CHN2: variants seen among roughly 807,000 people sequenced by gnomAD.
The protein encoded by CHN2 is chimerin 2, also known as beta-chimaerin.
CHN2 carries 35 observed loss-of-function variants against 56.3 expected under a neutral mutation model. The observed-to-expected ratio is 0.62, with a 90% CI of 0.47 to 0.82. The LOEUF is 0.82. Ranked by LOEUF, CHN2 falls within the 40% of genes least tolerant of loss-of-function variation. The pLI is 0.00. For missense variants in CHN2, 491 were observed against 580.5 expected, an observed-to-expected ratio of 0.85 and a Z score of 1.58; for synonymous variants, 210 against 212.8, an observed-to-expected ratio of 0.99 and a Z score of 0.12.
chr7:29,425,909 C>A (rs749897352), intron 6 of CHN2, among the ~76,000 whole-genome samples: 12 of 152,062 alleles, frequency 7.9e-5, no homozygotes, highest in Non-Finnish European at 1.5e-4. Flanking sequence ...TCCAGAACTT[C>A]TTTTTAAGAG....
intron 6 of CHN2, among the ~76,000 whole-genome samples, chr7:29,440,684 C>CAAAAAAAAAAAAAA (rs556692737): frequency 2.2e-5 from 1 of 45,650 alleles, no homozygotes; most frequent in African/African-American, 5.2e-5. Context: ...GACTCCGTCT[C>CAAAAAAAAAAAAAA]AAAAAAAAAA....
intron 1 of CHN2, among the ~76,000 whole-genome samples, chr7:29,332,117 A>G (rs757883359): frequency 5.9e-5 from 9 of 152,156 alleles, no homozygotes; most frequent in Non-Finnish European, 1.3e-4. Flanking sequence ...TATCCATCCA[A>G]AGGAGAAAAT....
chr7:29,176,108 C>T (rs528449271), intron 2 of CHN2, among the ~76,000 whole-genome samples: 2 of 151,898 alleles, frequency 1.3e-5, no homozygotes, highest in Admixed American at 6.6e-5. Flanking sequence ...ATGGTGTGAA[C>T]CTGGGAGGCG....
intron 1 of CHN2, among the ~76,000 whole-genome samples, chr7:29,269,088 T>C (rs1790398571): frequency 6.6e-6 from 1 of 152,232 alleles, no homozygotes; most frequent in African/African-American, 2.4e-5. Context: ...CTCTTCTAGT[T>C]ATTTTGAAAT....
At chr7:29,182,743 T>G (rs1341027653) in intron 2 of CHN2, among the ~76,000 whole-genome samples, 2 of 152,106 alleles carry the variant, frequency 1.3e-5, no homozygotes, top group Admixed American at 1.3e-4. Flanking sequence ...AGCATTAAGG[T>G]TCTTAAATAT....
intron 9 of CHN2, among the ~76,000 whole-genome samples, chr7:29,500,655 G>A (rs1030582762): frequency 6.6e-6 from 1 of 152,054 alleles, no homozygotes; most frequent in Admixed American, 6.5e-5. Context: ...ATTTAAGGAC[G>A]GTGAGAAGGG....
intron 6 of CHN2, among the ~76,000 whole-genome samples, chr7:29,403,688 T>C (rs1169582821): frequency 1.3e-5 from 2 of 151,596 alleles, no homozygotes; most frequent in Non-Finnish European, 2.9e-5. Context: ...AAAAAAGTTG[T>C]GATGGTTAGC....
chr7:29,367,699 T>C (rs1799274611), intron 2 of CHN2, among the ~76,000 whole-genome samples: 1 of 152,180 alleles, frequency 6.6e-6, no homozygotes, highest in African/African-American at 2.4e-5. Context: ...TGAAACTAAA[T>C]TGGCCTTATA....
rs73305033 is a variant in CHN2, at chr7:29,361,602, C to T, written c.89-6330C>T. ...TGCCTTCCCCTTCCCTCCTCCAAGT[C>T]GCCCCTGGCTGGGGATTGTTCTTTG... On this transcript the variant is annotated intron_variant, in intron 2 of 12. Coordinates refer to ENST00000222792, the MANE Select transcript of CHN2 (RefSeq NM_004067.4). Among the ~76,000 whole-genome samples, 951 of 152,292 alleles carry T rather than the reference C, an allele frequency of 6.2e-3. 5 individuals are homozygous for T. The highest frequency in any genetic ancestry group is 0.02 in the African/African-American group (852 of 41,564).
chr7:29,183,404 T>C (rs1350003587), intron 2 of CHN2, among the ~76,000 whole-genome samples: 1 of 145,016 alleles, frequency 6.9e-6, no homozygotes, highest in African/African-American at 2.6e-5. Context: ...TGAGACAGGG[T>C]CTTGCTCTGT....
intron 1 of CHN2, among the ~76,000 whole-genome samples, chr7:29,249,493 T>A (rs968071980): frequency 6.6e-6 from 1 of 152,212 alleles, no homozygotes; most frequent in Admixed American, 6.5e-5. Context: ...CATGACAACG[T>A]CCTCTAGAAA....
At chr7:29,292,617 T>C (rs4722897) in intron 1 of CHN2, among the ~76,000 whole-genome samples, 71,711 of 152,116 alleles carry the variant, frequency 0.47, 16,992 homozygotes, top group South Asian at 0.5. Context: ...TTATTGATAC[T>C]GCCACAGTTC....
chr7:29,379,580 G>C (rs1260331262), intron 3 of CHN2, among the ~76,000 whole-genome samples: 1 of 152,204 alleles, frequency 6.6e-6, no homozygotes, highest in African/African-American at 2.4e-5. Context: ...AAATGCTGTA[G>C]AACCTAGATG....
chr7:29,459,391 G>C (rs1012202861), intron 6 of CHN2, among the ~76,000 whole-genome samples: 6 of 152,140 alleles, frequency 3.9e-5, no homozygotes, highest in Admixed American at 6.5e-5. Flanking sequence ...ACTGTTGAAA[G>C]GTGGATGCAG....
At position 29,356,969 on chromosome 7, in the gene CHN2, G is replaced by T. The variant is rs529651004; in HGVS notation, c.88+2306G>T. 7.9e-5 allele frequency among the ~76,000 whole-genome samples: 12 copies of T among 152,236 alleles called. No individual in the cohort carries two copies. The East Asian group carries it at 1.5e-3, about 20-fold the overall frequency. ...ACGACCCAATAAATATTTGTTGAGA[G>T]AATGCCACCACCGAAAGCTTTGCTG... On this transcript the variant is annotated intron_variant, in intron 2 of 12. Coordinates refer to ENST00000222792, the MANE Select transcript of CHN2 (RefSeq NM_004067.4).
chr7:29,429,060 A>G (rs1386871663), intron 6 of CHN2, among the ~76,000 whole-genome samples: 2 of 152,190 alleles, frequency 1.3e-5, no homozygotes, highest in African/African-American at 4.8e-5. Context: ...GCTCAAGAGA[A>G]AGCAGAAATG....
intron 1 of CHN2, among the ~76,000 whole-genome samples, chr7:29,295,592 A>T (rs78638479): frequency 6.6e-6 from 1 of 151,874 alleles, no homozygotes; most frequent in Non-Finnish European, 1.5e-5. Context: ...AAAAAAAAAA[A>T]TTAAAAAAGA....
chr7:29,400,490 C>T (rs2128084791), intron 5 of CHN2, 53 bp from the exon 6 acceptor site: 2 of 1,557,406 alleles, frequency 1.3e-6, no homozygotes, highest in South Asian at 2.3e-5. Context: ...GTTATCATTC[C>T]ACACTGTGCT....
chr7:29,436,531 T>G (rs572340882), intron 6 of CHN2, among the ~76,000 whole-genome samples: 5 of 152,258 alleles, frequency 3.3e-5, no homozygotes, highest in African/African-American at 1.2e-4. Flanking sequence ...TGTCCCCAGC[T>G]TGGCTATGTG....
Sources: allele counts gnomAD v4.1 joint callset (sites outside exome capture counted in the v4.1 genomes callset), GRCh38; gene constraint gnomAD v4.1.1; transcripts MANE v1.5; gene names NCBI Gene and HGNC (gene_info 2026-07-23, HGNC 2026-07-21).